Variants in CHL1 observed in about 807,000 individuals in gnomAD.
The protein encoded by CHL1 is cell adhesion molecule L1 like.
Under a neutral mutation model 141.9 loss-of-function variants are expected in CHL1, and 96 were observed. The ratio of observed to expected loss-of-function variants is 0.68; its 90% CI spans 0.57 to 0.80. The LOEUF is 0.80. Among genes scored for constraint, CHL1 ranks in the 30% least tolerant of loss-of-function variants. The pLI is 0.00. For missense variants in CHL1, 1,820 were observed against 1,457.2 expected (o/e 1.25, Z -4.05); for synonymous variants, 613 against 502.2 (o/e 1.22, Z -2.95).
intron 1 of CHL1, among the ~76,000 whole-genome samples, chr3:221,138 A>G (rs149936858): frequency 6.6e-6 from 1 of 152,212 alleles, no homozygotes; most frequent in East Asian, 1.9e-4. Context: ...GAACCAATGT[A>G]CATGTTTCAT....
rs1026640677 is a variant in CHL1, at chr3:301,905, G to A, written c.-94-17778G>A. 7.2e-5 allele frequency among the ~76,000 whole-genome samples: 11 copies of A among 152,134 alleles called. 1 individual carries two copies. Among genetic ancestry groups the A allele is most frequent in the Admixed American group, 2.6e-4 (4 of 15,264 alleles). On this transcript the variant is annotated intron_variant, in intron 2 of 27. Transcript: ENST00000256509. ...CCTAATGGTATCCCTCCCCAGCACC[G>A]CACCGCCAACAGGCCCTGGTGTGTG...
At chr3:385,956 A>G (rs1046682226) in intron 19 of CHL1, among the ~76,000 whole-genome samples, 2 of 152,112 alleles carry the variant, frequency 1.3e-5, no homozygotes, top group Admixed American at 6.6e-5. Context: ...TACATTCCCA[A>G]TATGTCCCAT....
At chr3:229,873 T>A (rs1212464324) in intron 1 of CHL1, among the ~76,000 whole-genome samples, 1 of 152,188 alleles carries the variant, frequency 6.6e-6, no homozygotes, top group African/African-American at 2.4e-5. Context: ...TCTTCCCTCA[T>A]CTCAGCCTTC....
intron 1 of CHL1, among the ~76,000 whole-genome samples, chr3:238,513 A>G (rs1170623819): frequency 6.6e-6 from 1 of 152,200 alleles, no homozygotes; most frequent in Non-Finnish European, 1.5e-5. Flanking sequence ...TTAAGCAACC[A>G]ATATTTGGCA....
chr3:351,847 A>G (rs1703293242), intron 10 of CHL1, among the ~76,000 whole-genome samples: 1 of 152,164 alleles, frequency 6.6e-6, no homozygotes, highest in Non-Finnish European at 1.5e-5. Context: ...AGCAGCCAGG[A>G]TGTCTTGACT....
chr3:278,725 A>G (rs1696374589), intron 2 of CHL1, among the ~76,000 whole-genome samples: 1 of 152,256 alleles, frequency 6.6e-6, no homozygotes, highest in African/African-American at 2.4e-5. Context: ...CACAATGAAT[A>G]GACAGTGTCC....
In CHL1 at chr3:405,733, C is replaced by T. The variant is rs1709493622; in HGVS notation, c.*22C>T. The T allele has an allele frequency of 6.4e-7, 1 of 1,556,132 alleles. No homozygotes were observed. The highest frequency in any genetic ancestry group is 8.9e-7 in the Non-Finnish European group (1 of 1,128,038). On this transcript the variant is annotated 3_prime_UTR_variant, in exon 28 of 28. Coordinates refer to ENST00000256509, the MANE Select transcript of CHL1 (RefSeq NM_006614.4). The stretch of plus-strand genomic sequence containing the variant: ...ATAAACACAACATATGTAAGCAACG[C>T]TACTGGTTCACCCCAACCTTCCATA...
At chr3:387,028 A>G (rs896681185) in intron 19 of CHL1, among the ~76,000 whole-genome samples, 1 of 152,238 alleles carries the variant, frequency 6.6e-6, no homozygotes. Context: ...GTTTCTCAAG[A>G]ATAAATAAAA....
In CHL1 at chr3:354,727, C is replaced by G; in HGVS notation, c.1121C>G (p.Pro374Arg). ...TTGTTATGTGAGGCTGAAGGAGAAC[C>G]TCAACCCACAATCAAGTGGAGAGTC... ...GILLCEAEGE[P>R]QPTIKWRVNG... The change falls in exon 11 of 28, where the codon CCT (proline) becomes CGT (arginine). Residue 374 changes from proline (P) to arginine (R), a missense_variant. Coordinates refer to ENST00000256509, the MANE Select transcript of CHL1 (RefSeq NM_006614.4). The G allele has an allele frequency of 1.2e-6, 2 of 1,613,954 alleles. No homozygotes were observed. The highest frequency in any genetic ancestry group is 1.7e-6 in the Non-Finnish European group (2 of 1,179,894).
At chr3:203,407 C>T (rs1699127907) in intron 1 of CHL1, among the ~76,000 whole-genome samples, 2 of 152,222 alleles carry the variant, frequency 1.3e-5, no homozygotes, top group Non-Finnish European at 2.9e-5. Flanking sequence ...AGTGGTTTGT[C>T]CCCTTGATGT....
intron 1 of CHL1, among the ~76,000 whole-genome samples, chr3:199,831 C>T (rs921745191): frequency 9.9e-5 from 15 of 152,106 alleles, no homozygotes; most frequent in African/African-American, 2.9e-4. Flanking sequence ...TAGCCTGATT[C>T]GCTTTTATAG....
At chr3:255,341 T>A (rs434172) in intron 2 of CHL1, among the ~76,000 whole-genome samples, 2 of 152,216 alleles carry the variant, frequency 1.3e-5, no homozygotes, top group East Asian at 3.9e-4. Context: ...TAGAGTTTCA[T>A]GTGATCATAA....
intron 2 of CHL1, among the ~76,000 whole-genome samples, chr3:287,021 G>A (rs1697217991): frequency 6.6e-6 from 1 of 152,022 alleles, no homozygotes; most frequent in Admixed American, 6.6e-5. Flanking sequence ...CCTGTATCTT[G>A]TGCCAACCTC....
In CHL1 at chr3:382,652, T is replaced by C; in HGVS notation, c.2157T>C (p.His719=). 6.2e-7 allele frequency: 1 copy of C among 1,613,646 alleles called. No individual in the cohort carries two copies. Residue 719 remains histidine, a synonymous_variant, in exon 18 of 28, where the codon CAT becomes CAC. Transcript: ENST00000256509. ...GRSQPSQPSD[H]HETPPAAPDR... is the part of the protein sequence containing the mutation. ...GTCAGCCTAGCCAGCCGTCAGACCATCATGAAACACCACCAGCAGGTATGC... is the reference window on the plus strand; with the variant it reads ...GTCAGCCTAGCCAGCCGTCAGACCACCATGAAACACCACCAGCAGGTATGC...
At chr3:224,928 G>C (rs1287384463) in intron 1 of CHL1, among the ~76,000 whole-genome samples, 2 of 152,058 alleles carry the variant, frequency 1.3e-5, no homozygotes, top group African/African-American at 2.4e-5. Flanking sequence ...CTAAGGTCGA[G>C]AGTTCAAGAC....
At chr3:226,112 T>G (rs904901495) in intron 1 of CHL1, among the ~76,000 whole-genome samples, 1 of 150,606 alleles carries the variant, frequency 6.6e-6, no homozygotes, top group Admixed American at 6.6e-5. Flanking sequence ...ACCTCCACCG[T>G]CAGGTTCAAG....
chr3:249,344 T>C (rs568124757), intron 2 of CHL1, among the ~76,000 whole-genome samples: 1 of 152,200 alleles, frequency 6.6e-6, no homozygotes, highest in African/African-American at 2.4e-5. Flanking sequence ...GATCAAAGAT[T>C]AGTGACTTCA....
chr3:380,563 T>G (rs967610167), intron 16 of CHL1, among the ~76,000 whole-genome samples: 30 of 152,232 alleles, frequency 2.0e-4, no homozygotes, highest in Admixed American at 1.8e-3. Context: ...ACTCAAAAAT[T>G]TGTGATCATT....
rs4002879 is a variant in CHL1 at position 255,499 on chromosome 3, A to ATGTG, written c.-95+10819_-95+10822dup. ...GTTGACAGCCTTTTGGTGTCTTTGTATGTGTGTGTGTGTGTATACATACAT... is the reference window on the plus strand; with the variant it reads ...GTTGACAGCCTTTTGGTGTCTTTGTATGTGTGTGTGTGTGTGTGTATACATACAT... On this transcript the variant is annotated intron_variant, in intron 2 of 27. Coordinates refer to ENST00000256509, the MANE Select transcript of CHL1 (RefSeq NM_006614.4). Among the ~76,000 whole-genome samples, 1,247 of 137,046 alleles carry ATGTG rather than the reference A, an allele frequency of 9.1e-3. 16 individuals are homozygous for ATGTG. The highest frequency in any genetic ancestry group is 0.03 in the South Asian group (115 of 3,898). The allele number at this position is 137,046 out of a possible 152,430, so 89.9% of individuals were successfully genotyped here.
Sources: gnomAD v4.1 joint callset for allele counts (sites outside exome capture counted in the v4.1 genomes callset) on GRCh38, gnomAD v4.1.1 for gene constraint, MANE v1.5 for transcripts, NCBI Gene and HGNC (gene_info 2026-07-23, HGNC 2026-07-21) for gene names.